Variants in LEO1 observed in about 807,000 individuals in gnomAD.
The protein encoded by LEO1 is RNA polymerase-associated protein LEO1.
In LEO1, 34 loss-of-function variants were observed where a neutral mutation model predicts 80.4. That is an observed-to-expected ratio of 0.42 (90% CI 0.32 to 0.56). LEO1 has a LOEUF of 0.56. Among genes scored for constraint, LEO1 ranks in the 20% least tolerant of loss-of-function variants. LEO1 has a pLI of 0.10. For synonymous variants in LEO1, 262 were observed against 274.9 expected (o/e 0.95, Z 0.46); for missense variants, 631 against 814.2 (o/e 0.77, Z 2.74).
At chr15:51,959,604 T>G (rs1009176421) in intron 5 of LEO1, among the ~76,000 whole-genome samples, 1 of 152,220 alleles carries the variant, frequency 6.6e-6, no homozygotes, top group Non-Finnish European at 1.5e-5. Flanking sequence ...GCAAATTTCA[T>G]CGCTTTCAAT....
chr15:51,962,878 A>C (rs1305300702), intron 2 of LEO1, among the ~76,000 whole-genome samples: 2 of 152,152 alleles, frequency 1.3e-5, no homozygotes, highest in Admixed American at 1.3e-4. Flanking sequence ...GTGGTTAGAC[A>C]AATCTATAGA....
intron 11 of LEO1, among the ~76,000 whole-genome samples, chr15:51,939,844 A>C (rs1182642010): frequency 1.3e-5 from 2 of 152,194 alleles, no homozygotes; most frequent in East Asian, 1.9e-4. Flanking sequence ...GCCTGTCCTA[A>C]AGGCCCCTGG....
chr15:51,946,603 T>A (rs1460631541), intron 11 of LEO1, among the ~76,000 whole-genome samples: 17 of 151,984 alleles, frequency 1.1e-4, no homozygotes, highest in Non-Finnish European at 2.1e-4. Context: ...TTGCCTAAGC[T>A]GGAGTGCAGT....
intron 6 of LEO1, among the ~76,000 whole-genome samples, chr15:51,958,341 G>A (rs1245084014): frequency 6.6e-6 from 1 of 151,560 alleles, no homozygotes; most frequent in Non-Finnish European, 1.5e-5. Context: ...TGTAGTCCCA[G>A]CTACTCAGGA....
intron 11 of LEO1, among the ~76,000 whole-genome samples, chr15:51,939,084 C>G (rs2056825727): frequency 6.6e-6 from 1 of 152,182 alleles, no homozygotes; most frequent in African/African-American, 2.4e-5. Context: ...ACTCGAGAGA[C>G]TGAGGCAGGA....
intron 6 of LEO1, among the ~76,000 whole-genome samples, chr15:51,956,431 A>AAG (rs2056990190): frequency 6.6e-6 from 1 of 151,784 alleles, no homozygotes; most frequent in East Asian, 1.9e-4. Flanking sequence ...TCAAAAAAAA[A>AAG]AAAAAAAAAA....
intron 2 of LEO1, 76 bp downstream of exon 2, chr15:51,965,673 G>A: frequency 6.6e-7 from 1 of 1,511,064 alleles, no homozygotes; most frequent in Non-Finnish European, 8.8e-7. Flanking sequence ...ATAAAGATGG[G>A]AATAAAGACT....
intron 1 of LEO1, among the ~76,000 whole-genome samples, chr15:51,969,303 CCAAA>C (rs2057103686): frequency 2.6e-5 from 4 of 151,724 alleles, no homozygotes; most frequent in Non-Finnish European, 4.4e-5. Flanking sequence ...AGACATTTCT[CCAAA>C]CAAAGTTACA....
At chr15:51,958,912 C>A in intron 5 of LEO1, 86 bp from the exon 6 acceptor site, 1 of 586,506 alleles carries the variant, frequency 1.7e-6, no homozygotes, top group Non-Finnish European at 2.9e-6. Flanking sequence ...TAATAAACAC[C>A]ATTATATCAA....
chr15:51,955,152 A>G (rs2056979000), intron 6 of LEO1: 2 of 152,206 alleles, frequency 1.3e-5, no homozygotes, highest in African/African-American at 2.4e-5. Flanking sequence ...GTTAGCCAGG[A>G]TGGTCTCGAT....
intron 2 of LEO1, among the ~76,000 whole-genome samples, chr15:51,963,231 G>T (rs9888733): frequency 6.6e-6 from 1 of 152,068 alleles, no homozygotes; most frequent in South Asian, 2.1e-4. Flanking sequence ...AGCCAAGATC[G>T]CACCACTGCA....
At chr15:51,942,418 T>TA (rs57680756) in intron 11 of LEO1, among the ~76,000 whole-genome samples, 2,520 of 144,652 alleles carry the variant, frequency 0.017, 65 homozygotes, top group East Asian at 0.076. Context: ...ATGGATCACT[T>TA]AAAAAAAAAA....
rs1171208703 is a variant in LEO1 at position 51,967,235 on chromosome 15, G to A, written c.59-731C>T. ...CACCTGTAATCCCAGCACTTTGGGAGGCCAAGGCGGGCAGATCACTTGAGG... is the reference window on the plus strand; with the variant it reads ...CACCTGTAATCCCAGCACTTTGGGAAGCCAAGGCGGGCAGATCACTTGAGG... On this transcript the variant is annotated intron_variant, in intron 1 of 11. Transcript: ENST00000299601. 2.0e-5 allele frequency among the ~76,000 whole-genome samples: 3 copies of A among 152,104 alleles called. No individual in the cohort carries two copies. The East Asian group carries it at 5.8e-4, about 29-fold the overall frequency.
Position 51,962,410 on chromosome 15 carries a change from T to A in LEO1, c.898A>T (p.Ser300Cys). The A allele has an allele frequency of 6.2e-7, 1 of 1,612,036 alleles. No homozygotes were observed. The highest frequency in any genetic ancestry group is 8.5e-7 in the Non-Finnish European group (1 of 1,178,428). ...ATACCTTTTGGCACCTCAGTGTCAC[T>A]ATCCGCTTCTGAATCAGATGCAATC... ...NAIASDSEAD[S>C]DTEVPKDNSG... The change falls in exon 3 of 12, where the codon AGT becomes TGT. Residue 300 changes from serine (S) to cysteine (C), a missense_variant. By Grantham distance (112) the Ser-to-Cys change is moderately radical. This residue lies in a region of LEO1 where 394 missense variants were observed against 395.6 expected (regional missense o/e 1.00). Transcript: ENST00000299601.
At chr15:51,959,828 GA>G (rs1169651483) in intron 5 of LEO1, 70 bp downstream of exon 5, 11 of 1,356,626 alleles carry the variant, frequency 8.1e-6, no homozygotes, top group African/African-American at 1.5e-5. Flanking sequence ...AACTCAATGC[GA>G]AATAAGAAAA....
chr15:51,952,069 G>A, intron 8 of LEO1, 90 bp from the exon 9 acceptor site: 1 of 1,162,364 alleles, frequency 8.6e-7, no homozygotes, highest in Non-Finnish European at 1.2e-6. Context: ...AGAGCCCAGT[G>A]ACCATTTCCT....
At chr15:51,971,528 C>A (rs1056714078) in intron 1 of LEO1, among the ~76,000 whole-genome samples, 160 bp downstream of exon 1, 32 of 152,298 alleles carry the variant, frequency 2.1e-4, no homozygotes, top group African/African-American at 7.7e-4. Context: ...TCCATCCTGC[C>A]CGCCGGAGGA....
chr15:51,945,906 C>T (rs62016235), intron 11 of LEO1, among the ~76,000 whole-genome samples: 62 of 151,918 alleles, frequency 4.1e-4, no homozygotes, highest in African/African-American at 1.4e-3. Context: ...TGGTAGCAGG[C>T]GCCTGTAGTC....
At chr15:51,942,791 A>T (rs1027677430) in intron 11 of LEO1, among the ~76,000 whole-genome samples, 1 of 151,040 alleles carries the variant, frequency 6.6e-6, no homozygotes, top group Non-Finnish European at 1.5e-5. Context: ...GCGTGGTGGC[A>T]GGTGCCTATA....
Sources: gnomAD v4.1 joint callset for allele counts (sites outside exome capture counted in the v4.1 genomes callset) on GRCh38, gnomAD v4.1.1 for gene constraint, gnomAD v4.1.1 regional missense constraint, MANE v1.5 for transcripts, NCBI Gene and HGNC (gene_info 2026-07-23, HGNC 2026-07-21) for gene names.